Variants in LRP1B observed in about 807,000 individuals in gnomAD.
LRP1B encodes the protein low-density lipoprotein receptor-related protein 1B.
LRP1B carries 217 observed loss-of-function variants against 556.6 expected under a neutral mutation model. The ratio of observed to expected loss-of-function variants is 0.39; its 90% confidence interval spans 0.35 to 0.44. The LOEUF (loss-of-function observed/expected upper bound fraction) is 0.44. Among genes scored for constraint, LRP1B ranks in the 20% least tolerant of loss-of-function variants. The pLI, the probability that LRP1B is intolerant of heterozygous loss-of-function variation, is 1.00. For missense variants in LRP1B, 5,053 were observed against 5,620.8 expected (o/e 0.90, Z 3.23); for synonymous variants, 2,047 against 1,865.8 (o/e 1.10, Z -2.50).
intron 7 of LRP1B, among the ~76,000 whole-genome samples, chr2:141,187,862 G>A (rs1055141463): frequency 1.3e-5 from 2 of 151,726 alleles, no homozygotes; most frequent in African/African-American, 2.4e-5. Flanking sequence ...AAAAGAAGAT[G>A]AATTCTGATG....
chr2:141,859,333 A>G (rs1698167204), intron 1 of LRP1B, among the ~76,000 whole-genome samples: 2 of 152,172 alleles, frequency 1.3e-5, no homozygotes, highest in Admixed American at 1.3e-4. Flanking sequence ...CTCGACCTGA[A>G]ATAGTCTATG....
intron 31 of LRP1B, among the ~76,000 whole-genome samples, chr2:140,817,808 A>T (rs1000451221): frequency 3.0e-5 from 2 of 66,764 alleles, no homozygotes; most frequent in African/African-American, 6.1e-5. Flanking sequence ...AAAGGAATTT[A>T]AAAAATTAAG....
chr2:141,225,374 G>A (rs1683206254), intron 6 of LRP1B, among the ~76,000 whole-genome samples: 1 of 152,054 alleles, frequency 6.6e-6, no homozygotes, highest in Admixed American at 6.6e-5. Flanking sequence ...TCCTTAATAA[G>A]AGATTAAGTC....
chr2:141,926,384 T>G (rs930078988), intron 1 of LRP1B, among the ~76,000 whole-genome samples: 1 of 152,170 alleles, frequency 6.6e-6, no homozygotes, highest in Non-Finnish European at 1.5e-5. Flanking sequence ...AAGGTCTGAC[T>G]TTTTTCCCCT....
At chr2:141,412,087 G>T (rs1005836611) in intron 3 of LRP1B, among the ~76,000 whole-genome samples, 1 of 151,968 alleles carries the variant, frequency 6.6e-6, no homozygotes, top group Admixed American at 6.6e-5. Flanking sequence ...CTGCTAATCA[G>T]CAAACACCAG....
intron 43 of LRP1B, among the ~76,000 whole-genome samples, chr2:140,579,316 T>G (rs1391989820): frequency 6.6e-6 from 1 of 150,822 alleles, no homozygotes; most frequent in Non-Finnish European, 1.5e-5. Context: ...GATCAGTAGC[T>G]TTTTTTTTAG....
At chr2:140,607,472 T>A (rs1298793018) in intron 41 of LRP1B, among the ~76,000 whole-genome samples, 1 of 152,028 alleles carries the variant, frequency 6.6e-6, no homozygotes, top group Non-Finnish European at 1.5e-5. Context: ...GTTCAACAAA[T>A]GTTCATAGCA....
intron 12 of LRP1B, 54 bp from the exon 13 acceptor site, chr2:141,015,969 A>C: frequency 7.6e-7 from 1 of 1,311,482 alleles, no homozygotes; most frequent in Non-Finnish European, 1.1e-6. Flanking sequence ...AACCAGCCAC[A>C]GTATAGACAC....
intron 25 of LRP1B, among the ~76,000 whole-genome samples, chr2:140,873,502 C>CTTGG (rs1693205801): frequency 2.0e-5 from 3 of 152,042 alleles, no homozygotes; most frequent in African/African-American, 4.8e-5. Flanking sequence ...TTGGTCTACA[C>CTTGG]CCAGAAATGA....
chr2:141,770,737 G>T (rs1020425385), intron 2 of LRP1B, among the ~76,000 whole-genome samples: 1 of 152,176 alleles, frequency 6.6e-6, no homozygotes, highest in Non-Finnish European at 1.5e-5. Context: ...CCCTACAGGC[G>T]CTGTCTTTAA....
intron 66 of LRP1B, among the ~76,000 whole-genome samples, chr2:140,392,727 G>C (rs1374605442): frequency 6.6e-6 from 1 of 151,998 alleles, no homozygotes; most frequent in East Asian, 1.9e-4. Context: ...CAGAATATAG[G>C]ATATAAATTG....
intron 23 of LRP1B, among the ~76,000 whole-genome samples, chr2:140,889,367 C>T (rs1412734021): frequency 2.6e-5 from 4 of 152,192 alleles, no homozygotes; most frequent in Non-Finnish European, 5.9e-5. Context: ...ATGATCTTGA[C>T]TCATTGAAAC....
intron 2 of LRP1B, among the ~76,000 whole-genome samples, chr2:141,628,040 AG>A (rs1688764473): frequency 6.6e-6 from 1 of 152,224 alleles, no homozygotes; most frequent in Admixed American, 6.5e-5. Flanking sequence ...GAAGATTCAA[AG>A]ATAATCCACA....
intron 84 of LRP1B, among the ~76,000 whole-genome samples, chr2:140,284,317 A>C (rs1291480818): frequency 2.4e-4 from 31 of 131,294 alleles, no homozygotes; most frequent in African/African-American, 8.0e-4. Context: ...CCAAAAAAAA[A>C]CCGTTTTTCA....
intron 2 of LRP1B, among the ~76,000 whole-genome samples, chr2:141,759,463 C>A (rs1057078980): frequency 1.4e-4 from 21 of 152,024 alleles, no homozygotes; most frequent in African/African-American, 4.8e-4. Context: ...ATAGGGAATG[C>A]AACTTGTGGA....
At chr2:142,091,564 T>A (rs1706174422) in intron 1 of LRP1B, among the ~76,000 whole-genome samples, 1 of 152,124 alleles carries the variant, frequency 6.6e-6, no homozygotes, top group South Asian at 2.1e-4. Context: ...AGGATCCAAA[T>A]ATGCAATTGT....
rs1558858138 is a variant in LRP1B at position 141,096,629 on chromosome 2, G to GAGAGAGAGAGAGAGAGA, written c.1014-34357_1014-34356insTCTCTCTCTCTCTCTCT. Reference sequence around the variant, plus strand: ...CTGAATGACAAAGACGGGGAGAGGGGGAGAGAGAGAGAGAGAGAGAGAGAG... The same window carrying GAGAGAGAGAGAGAGAGA: ...CTGAATGACAAAGACGGGGAGAGGGGAGAGAGAGAGAGAGAGAGAGAGAGAGAGAGAGAGAGAGAGAG... On this transcript the variant is annotated intron_variant, in intron 7 of 90. Coordinates refer to ENST00000389484, the MANE Select transcript of LRP1B (RefSeq NM_018557.3). Among the ~76,000 whole-genome samples, 47 of 59,742 alleles carry GAGAGAGAGAGAGAGAGA rather than the reference G, an allele frequency of 7.9e-4. 5 individuals carry two copies. The highest frequency in any genetic ancestry group is 1.0e-3 in the Non-Finnish European group (32 of 31,962). The allele number at this position is 59,742 out of a possible 152,430, so 39.2% of individuals were successfully genotyped here.
intron 66 of LRP1B, among the ~76,000 whole-genome samples, chr2:140,427,800 C>A (rs1685727078): frequency 1.3e-5 from 2 of 152,144 alleles, no homozygotes; most frequent in East Asian, 2.0e-4. Context: ...GTCCTCTCCC[C>A]TCCTCGCCAG....
chr2:140,436,097 G>A (rs1686168401), intron 66 of LRP1B, among the ~76,000 whole-genome samples: 1 of 151,878 alleles, frequency 6.6e-6, no homozygotes, highest in Non-Finnish European at 1.5e-5. Context: ...ATAAATGGAT[G>A]AAAGAAAAAC....
Sources: gnomAD v4.1 joint callset for allele counts (sites outside exome capture counted in the v4.1 genomes callset) on GRCh38, gnomAD v4.1.1 for gene constraint, MANE v1.5 for transcripts, NCBI Gene and HGNC (gene_info 2026-07-23, HGNC 2026-07-21) for gene names.